Variants in WDR75 observed in about 807,000 individuals in gnomAD.
WDR75 encodes the protein WD repeat domain 75.
WDR75 carries 52 observed loss-of-function variants against 106.1 expected under a neutral mutation model. The ratio of observed to expected loss-of-function variants is 0.49; its 90% CI spans 0.39 to 0.62. WDR75 has a LOEUF of 0.62. WDR75 is among the 20% of genes least tolerant of loss of function. The pLI, the probability that WDR75 is intolerant of heterozygous loss-of-function variation, is 0.00. For missense variants in WDR75, 905 were observed against 970.3 expected (o/e 0.93, Z 0.89); for synonymous variants, 333 against 335.5 (o/e 0.99, Z 0.08).
In WDR75 at chr2:189,463,852, G is replaced by A; in HGVS notation, c.1004G>A (p.Ser335Asn). The change falls in exon 11 of 21, where the codon AGT (serine) becomes AAT (asparagine). Residue 335 changes from serine to asparagine, a missense_variant. Physicochemically the swap from Ser to Asn is conservative, Grantham distance 46. Transcript: ENST00000314761. ...TTTGTCACCACTTCTGCAGATAGGA[G>A]TATCTTCACTGGTTTGATGATTGAT... is the stretch of plus-strand genomic sequence containing the variant. Reference protein sequence around the residue: ...AVIQGLVKDRSIFTGLMIDPR... With the variant: ...AVIQGLVKDRNIFTGLMIDPR... 6.2e-7 allele frequency: 1 copy of A among 1,613,768 alleles called. No individual in the cohort carries two copies. The highest frequency in any genetic ancestry group is 8.5e-7 in the Non-Finnish European group (1 of 1,179,770).
At chr2:189,447,126 G>A in intron 1 of WDR75, among the ~76,000 whole-genome samples, 1 of 152,190 alleles carries the variant, frequency 6.6e-6, no homozygotes, top group East Asian at 1.9e-4. Flanking sequence ...TTGACTGTAG[G>A]TAATTAAAAC....
At chr2:189,470,913 C>T (rs1013019521) in intron 18 of WDR75, 35 bp downstream of exon 18, 1 of 1,514,910 alleles carries the variant, frequency 6.6e-7, no homozygotes, top group Non-Finnish European at 9.0e-7. Flanking sequence ...GATGTATTGC[C>T]TCCCTAAAAG....
chr2:189,459,338 G>A lies in WDR75; in HGVS notation c.692G>A (p.Arg231Lys). ...AGAGTTTTATCTTTCTCCAATAGGAGGAATTTTTATGATGATAAGAAATAT... is the reference window on the plus strand; with the variant it reads ...AGAGTTTTATCTTTCTCCAATAGGAAGAATTTTTATGATGATAAGAAATAT... Reference protein sequence around the residue: ...GHMDGKIRLWRNFYDDKKYTY... With the variant: ...GHMDGKIRLWKNFYDDKKYTY... Residue 231 changes from arginine (R) to lysine (K), a missense_variant and splice_region_variant, in exon 8 of 21, where the codon AGG (arginine) becomes AAG (lysine). Transcript: ENST00000314761. 2.5e-6 allele frequency: 4 copies of A among 1,605,724 alleles called. No individual in the cohort carries two copies. The highest frequency in any genetic ancestry group is 3.4e-6 in the Non-Finnish European group (4 of 1,177,680).
chr2:189,448,354 T>A (rs1041681059), intron 1 of WDR75, 25 bp from the exon 2 acceptor site: 3 of 1,606,050 alleles, frequency 1.9e-6, no homozygotes, highest in African/African-American at 2.7e-5. Context: ...TATGTAAAAC[T>A]TACTTTTCTT....
intron 4 of WDR75, among the ~76,000 whole-genome samples, chr2:189,454,816 G>A (rs903426133): frequency 6.6e-6 from 1 of 152,146 alleles, no homozygotes; most frequent in Non-Finnish European, 1.5e-5. Flanking sequence ...GGGCATTTAT[G>A]TACATGAGTT....
intron 4 of WDR75, among the ~76,000 whole-genome samples, chr2:189,453,790 T>G (rs1159884626): frequency 6.7e-6 from 1 of 149,320 alleles, no homozygotes; most frequent in African/African-American, 2.4e-5. Context: ...AAACATATAT[T>G]ATACATATAT....
intron 2 of WDR75, chr2:189,449,634 G>A (rs1025652476): frequency 4.9e-6 from 5 of 1,030,872 alleles, no homozygotes; most frequent in South Asian, 3.6e-5. Context: ...TGGTTGAGGT[G>A]CAGGGGCAGC....
intron 2 of WDR75, chr2:189,449,210 C>A: frequency 7.8e-7 from 1 of 1,287,502 alleles, no homozygotes; most frequent in Non-Finnish European, 1.0e-6. Flanking sequence ...TGTTCTTGCT[C>A]TTATTTTTAA....
In WDR75 at chr2:189,465,590, T is replaced by A. The variant is rs187932363; in HGVS notation, c.1289+336T>A. Reference sequence around the variant, plus strand: ...TACTGCCTTTTGAAAAGAGGGAGTGTAGGTAGAAGTGTAGCATAGTATAAT... The same window carrying A: ...TACTGCCTTTTGAAAAGAGGGAGTGAAGGTAGAAGTGTAGCATAGTATAAT... On this transcript the variant is annotated intron_variant, in intron 12 of 20. Transcript: ENST00000314761. 7.2e-5 allele frequency among the ~76,000 whole-genome samples: 11 copies of A among 152,240 alleles called. No individual in the cohort carries two copies. In the East Asian group the frequency reaches 1.7e-3, roughly 24 times the overall value.
intron 1 of WDR75, among the ~76,000 whole-genome samples, chr2:189,442,520 G>A (rs1378041705): frequency 7.9e-6 from 1 of 126,020 alleles, no homozygotes; most frequent in African/African-American, 2.9e-5. Context: ...GCTCAATCTA[G>A]GCTCATTGCA....
At chr2:189,447,068 CTT>C (rs1423486614) in intron 1 of WDR75, among the ~76,000 whole-genome samples, 2 of 152,172 alleles carry the variant, frequency 1.3e-5, no homozygotes, top group Non-Finnish European at 2.9e-5. Flanking sequence ...CAATTTTAAA[CTT>C]ATGAATTGTT....
chr2:189,457,224 A>G (rs1302419911), intron 5 of WDR75, 87 bp from the exon 6 acceptor site: 14 of 884,054 alleles, frequency 1.6e-5, no homozygotes, highest in Non-Finnish European at 2.0e-5. Context: ...CTGGGGGACA[A>G]GAGCGAGACT....
chr2:189,456,796 G>A, intron 5 of WDR75, among the ~76,000 whole-genome samples: 1 of 152,056 alleles, frequency 6.6e-6, no homozygotes, highest in Non-Finnish European at 1.5e-5. Flanking sequence ...TCTAGTTTTA[G>A]GATTTAGGAC....
chr2:189,455,772 A>C (rs919006424), intron 5 of WDR75, among the ~76,000 whole-genome samples: 1 of 152,226 alleles, frequency 6.6e-6, no homozygotes, highest in Non-Finnish European at 1.5e-5. Flanking sequence ...ACAGAAAAAT[A>C]TAATGAGGAA....
At chr2:189,469,942 A>G in intron 16 of WDR75, 134 bp from the exon 17 acceptor site, 1 of 761,468 alleles carries the variant, frequency 1.3e-6, no homozygotes, top group South Asian at 1.9e-5. Flanking sequence ...CTCTTGAATC[A>G]AAGCCTAAAA....
intron 4 of WDR75, among the ~76,000 whole-genome samples, chr2:189,452,513 G>C (rs1306622978): frequency 6.7e-6 from 1 of 150,022 alleles, no homozygotes; most frequent in Non-Finnish European, 1.5e-5. Flanking sequence ...AGTGAGCTGA[G>C]ATGGCGCCAC....
chr2:189,474,526 G>A (rs775716426), intron 19 of WDR75, among the ~76,000 whole-genome samples, 191 bp from the exon 20 acceptor site: 1 of 152,110 alleles, frequency 6.6e-6, no homozygotes, highest in Non-Finnish European at 1.5e-5. Flanking sequence ...TAGGGATAGG[G>A]GTGGTTGTTG....
chr2:189,446,698 A>C (rs1686506023), intron 1 of WDR75, among the ~76,000 whole-genome samples: 1 of 152,252 alleles, frequency 6.6e-6, no homozygotes, highest in Non-Finnish European at 1.5e-5. Context: ...CAGGACCCTC[A>C]GTGGATGCCT....
chr2:189,454,977 C>G (rs76935390), intron 4 of WDR75, among the ~76,000 whole-genome samples: 9,852 of 152,104 alleles, frequency 0.065, 499 homozygotes, highest in African/African-American at 0.14. Context: ...AGGCACAGTG[C>G]CTCACACCTA....
Sources: gnomAD v4.1 joint callset for allele counts (sites outside exome capture counted in the v4.1 genomes callset) on GRCh38, gnomAD v4.1.1 for gene constraint, MANE v1.5 for transcripts, NCBI Gene and HGNC (gene_info 2026-07-23, HGNC 2026-07-21) for gene names.